The following ZNF568 variants were observed in gnomAD, a reference collection of about 807,000 sequenced individuals.
The protein encoded by ZNF568 is zinc finger protein 568, also known as p53 inhibitor of SCO2 activation.
Under a neutral mutation model 18.1 loss-of-function variants are expected in ZNF568, and 11 were observed. That is an observed-to-expected ratio of 0.61 (90% confidence interval 0.38 to 1.00). The LOEUF (loss-of-function observed/expected upper bound fraction) is 1.00. ZNF568 is among the 50% of genes least tolerant of loss of function. The probability of loss-of-function intolerance (pLI) is 0.01; values close to 1 mark genes in which losing one functional copy is unlikely to be tolerated. For synonymous variants in ZNF568, 213 were observed against 246.6 expected, an observed-to-expected ratio of 0.86 and a Z score of 1.28; for missense variants, 639 against 768.2, an observed-to-expected ratio of 0.83 and a Z score of 1.99.
intron 6 of ZNF568, among the ~76,000 whole-genome samples, chr19:36,944,346 C>T (rs930354797): frequency 4.0e-5 from 6 of 149,812 alleles, no homozygotes; most frequent in Admixed American, 6.7e-5. Flanking sequence ...TTTGGTGAGC[C>T]GAGATCATGC....
At chr19:36,973,734 T>G (rs1625963) in intron 6 of ZNF568, 83,449 of 152,652 alleles carry the variant, frequency 0.55, 23,484 homozygotes, top group African/African-American at 0.66. Flanking sequence ...GTCTGCACGG[T>G]ATTCTGTGTG....
rs34588591 is a variant in ZNF568, at chr19:36,960,110, C to CTTTTT, written c.359-14292_359-14288dup. ...AGAGTGTTAATTTGTAATTGTTCTA[C>CTTTTT]TTTTTTTTTTTTTTTTTTTTTTGAG... On this transcript the variant is annotated intron_variant, in intron 6 of 7. Transcript: ENST00000427117. Among the ~76,000 whole-genome samples the CTTTTT allele has an allele frequency of 5.3e-3, 468 of 87,668 alleles. 19 individuals are homozygous for CTTTTT. Among genetic ancestry groups the CTTTTT allele is most frequent in the Non-Finnish European group, 7.2e-3 (332 of 46,152 alleles). The allele number at this position is 87,668 out of a possible 152,430, so 57.5% of individuals were successfully genotyped here. A position where few individuals can be genotyped will look rare whatever the true frequency, so the allele number is the denominator to read the frequency against.
At chr19:36,969,549 T>C (rs2074220413) in intron 6 of ZNF568, among the ~76,000 whole-genome samples, 1 of 152,050 alleles carries the variant, frequency 6.6e-6, no homozygotes, top group African/African-American at 2.4e-5. Flanking sequence ...AATCCAGGTG[T>C]CATAAAACCG....
In ZNF568 at chr19:36,950,223, C is replaced by G; in HGVS notation, c.1070C>G (p.Thr357Ser). Reference protein sequence around the residue: ...QNLIEHEKIHTGEKPYACNEC... With the variant: ...QNLIEHEKIHSGEKPYACNEC... ...CTTATTGAGCACGAGAAAATTCATA[C>G]TGGGGAGAAACCTTATGCATGTAAT... Residue 357 changes from threonine to serine, a missense_variant, in exon 7 of 7, where the codon ACT becomes AGT. Physicochemically the swap from Thr to Ser is moderately conservative, Grantham distance 58. Coordinates refer to ENST00000333987, the MANE Select transcript of ZNF568 (RefSeq NM_198539.4). The G allele has an allele frequency of 1.2e-6, 2 of 1,613,776 alleles. No individual in the cohort carries two copies. The highest frequency in any genetic ancestry group is 1.1e-5 in the South Asian group (1 of 91,076).
intron 4 of ZNF568, chr19:36,936,542 C>T (rs959906511): frequency 2.6e-6 from 1 of 382,644 alleles, no homozygotes; most frequent in Non-Finnish European, 4.7e-6. Flanking sequence ...GTTCATTGAG[C>T]TTCTTGAATG....
chr19:36,959,717 G>C (rs1095489), intron 6 of ZNF568, among the ~76,000 whole-genome samples: 126,550 of 152,092 alleles, frequency 0.83, 52,829 homozygotes, highest in East Asian at 0.93. Flanking sequence ...ATATTTCCTC[G>C]TCATTCAGTC....
At chr19:36,959,741 T>TAA (rs2074133813) in intron 6 of ZNF568, among the ~76,000 whole-genome samples, 1 of 152,064 alleles carries the variant, frequency 6.6e-6, no homozygotes, top group East Asian at 1.9e-4. Context: ...GTAAGTTTTA[T>TAA]GTTTTCAGGA....
Position 36,952,155 on chromosome 19 carries a change from A to C in ZNF568, c.*1067A>C. 1.8e-6 allele frequency: 1 copy of C among 562,244 alleles called. No individual in the cohort carries two copies. The allele number at this position is 562,244 out of a possible 1,614,324, so 34.8% of individuals were successfully genotyped here. A position where few individuals can be genotyped will look rare whatever the true frequency, so the allele number is the denominator to read the frequency against. The stretch of plus-strand genomic sequence containing the variant: ...AAATATATATATAATATATGTATGT[A>C]TGTATAGCCAGATGCAGTGGCACAT... On this transcript the variant is annotated 3_prime_UTR_variant, in exon 7 of 7. Coordinates refer to ENST00000333987, the MANE Select transcript of ZNF568 (RefSeq NM_198539.4).
intron 3 of ZNF568, 123 bp downstream of exon 3, chr19:36,922,969 A>C (rs1390319920): frequency 5.5e-6 from 4 of 725,368 alleles, no homozygotes; most frequent in Non-Finnish European, 8.9e-6. Context: ...GGCAGGGGAG[A>C]CATTTGTTTT....
chr19:36,981,214 G>A (rs1007949309), downstream of ZNF568, among the ~76,000 whole-genome samples: 1 of 152,034 alleles, frequency 6.6e-6, no homozygotes, highest in Non-Finnish European at 1.5e-5. Context: ...AAACCATACT[G>A]CCTAAAGACT....
At chr19:36,997,657 T>G, downstream of ZNF568, 1 of 1,313,580 alleles carries the variant, frequency 7.6e-7, no homozygotes, top group Non-Finnish European at 1.1e-6. Flanking sequence ...TGGAAAGGCC[T>G]TCATTCGGGC....
chr19:36,950,756 T>C lies in ZNF568; in HGVS notation c.1603T>C (p.Cys535Arg), dbSNP rs2074046181. Residue 535 changes from cysteine to arginine, a missense_variant, in exon 7 of 7, where the codon TGT becomes CGT. Cys to Arg is a radical substitution (Grantham distance 180). Transcript: ENST00000333987. ...AGAGAAACCTTATCATTGTAATCAA[T>C]GTGGGAAAGCTTTCAGTCAGAGACA... ...TGEKPYHCNQ[C>R]GKAFSQRQNL... is the part of the protein sequence containing the mutation. 1 of 1,613,672 alleles carries C rather than the reference T, an allele frequency of 6.2e-7. No homozygotes were observed. The highest frequency in any genetic ancestry group is 1.1e-5 in the South Asian group (1 of 91,068).
chr19:36,942,799 ATT>A (rs2073905730), intron 6 of ZNF568, among the ~76,000 whole-genome samples: 1 of 151,954 alleles, frequency 6.6e-6, no homozygotes, highest in Admixed American at 6.6e-5. Context: ...TTGCCAAGAG[ATT>A]TGTTTAATCC....
At chr19:36,953,918 TAAAA>T, downstream of ZNF568, among the ~76,000 whole-genome samples, 1 of 148,808 alleles carries the variant, frequency 6.7e-6, no homozygotes, top group Non-Finnish European at 1.5e-5. Context: ...CTCAAAAAAA[TAAAA>T]AATAAATAAA....
chr19:36,996,710 A>T (rs1231258025), exon 5 of ZNF568: 2 of 1,536,540 alleles, frequency 1.3e-6, no homozygotes, highest in Non-Finnish European at 1.7e-6. Context: ...AGCAAAAAAC[A>T]TAGTGAAAAT....
At chr19:36,948,658 A>ATTTTTTTTTTTTTTGTTTTTTTTT (rs2074005253) in intron 6 of ZNF568, among the ~76,000 whole-genome samples, 2 of 83,576 alleles carry the variant, frequency 2.4e-5, no homozygotes, top group Non-Finnish European at 4.4e-5. Flanking sequence ...TTTGTTGTTG[A>ATTTTTTTTTTTTTTGTTTTTTTTT]TTTTTTTTTT....
intron 6 of ZNF568, among the ~76,000 whole-genome samples, chr19:36,972,387 C>T (rs2074243251): frequency 6.6e-6 from 1 of 152,032 alleles, no homozygotes; most frequent in Admixed American, 6.6e-5. Context: ...CCGTTATTTC[C>T]GCTGCAGACC....
At chr19:36,967,384 T>C (rs772018372) in intron 6 of ZNF568, among the ~76,000 whole-genome samples, 3 of 152,120 alleles carry the variant, frequency 2.0e-5, no homozygotes, top group Non-Finnish European at 2.9e-5. Flanking sequence ...GCCAACATGG[T>C]GAAACCTCAT....
chr19:36,953,526 A>G (rs1186263298), downstream of ZNF568, among the ~76,000 whole-genome samples: 1 of 152,234 alleles, frequency 6.6e-6, no homozygotes, highest in African/African-American at 2.4e-5. Flanking sequence ...GTAATAATAC[A>G]TGAACCAACC....
Sources: gnomAD v4.1 joint callset for allele counts (sites outside exome capture counted in the v4.1 genomes callset) on GRCh38, gnomAD v4.1.1 for gene constraint, MANE v1.5 for transcripts, NCBI Gene and HGNC (gene_info 2026-07-23, HGNC 2026-07-21) for gene names.